GALNT17: variants seen among roughly 807,000 people sequenced by gnomAD.
GALNT17 encodes polypeptide N-acetylgalactosaminyltransferase 17, also known as UDP-GalNAc:polypeptide N-acetylgalactosaminyltransferase-like 3.
In GALNT17, 29 loss-of-function variants were observed where a neutral mutation model predicts 63.7. That is an observed-to-expected ratio of 0.46 (90% CI 0.34 to 0.62). The LOEUF is 0.62. GALNT17 is among the 20% of genes least tolerant of loss of function. The probability of loss-of-function intolerance (pLI) is 0.01; values close to 1 mark genes in which losing one functional copy is unlikely to be tolerated. For missense variants in GALNT17, 603 were observed against 799.6 expected (o/e 0.75, Z 2.97); for synonymous variants, 305 against 318.3 (o/e 0.96, Z 0.45).
At chr7:71,295,488 TTCTC>T in intron 1 of GALNT17, among the ~76,000 whole-genome samples, 1 of 151,964 alleles carries the variant, frequency 6.6e-6, no homozygotes, top group South Asian at 2.1e-4. Context: ...CTTCCATCCT[TTCTC>T]TCTTTCTTTT....
intron 5 of GALNT17, among the ~76,000 whole-genome samples, chr7:71,530,550 ATTT>A: frequency 2.0e-5 from 1 of 49,442 alleles, no homozygotes; most frequent in Non-Finnish European, 4.4e-5. Flanking sequence ...TTATTTATTT[ATTT>A]ATTTATTTAT....
At chr7:71,303,681 T>C (rs1275049206) in intron 1 of GALNT17, among the ~76,000 whole-genome samples, 1 of 152,184 alleles carries the variant, frequency 6.6e-6, no homozygotes, top group East Asian at 1.9e-4. Flanking sequence ...TTCTCTGGTC[T>C]GGGAGAATTA....
chr7:71,355,606 C>T (rs1363589482), intron 2 of GALNT17, among the ~76,000 whole-genome samples: 1 of 151,876 alleles, frequency 6.6e-6, no homozygotes, highest in Non-Finnish European at 1.5e-5. Context: ...GATCTCGGCC[C>T]ACTGCAACCT....
At chr7:71,553,082 T>C (rs1789106758) in intron 5 of GALNT17, among the ~76,000 whole-genome samples, 2 of 152,058 alleles carry the variant, frequency 1.3e-5, no homozygotes, top group South Asian at 2.1e-4. Flanking sequence ...CCTAGCACTT[T>C]GGGAGGCCAA....
intron 1 of GALNT17, among the ~76,000 whole-genome samples, chr7:71,155,758 T>C (rs2116231207): frequency 6.6e-6 from 1 of 152,016 alleles, no homozygotes; most frequent in South Asian, 2.1e-4. Flanking sequence ...GAGTACATCA[T>C]TCTCTGGAGA....
intron 5 of GALNT17, among the ~76,000 whole-genome samples, chr7:71,557,028 A>G (rs1789175087): frequency 6.6e-6 from 1 of 150,690 alleles, no homozygotes; most frequent in Non-Finnish European, 1.5e-5. Flanking sequence ...CTGGGATTAC[A>G]GGTGCACACC....
intron 1 of GALNT17, among the ~76,000 whole-genome samples, chr7:71,185,630 C>T (rs959256250): frequency 6.6e-6 from 1 of 151,310 alleles, no homozygotes; most frequent in Non-Finnish European, 1.5e-5. Context: ...GCCTCAGCCT[C>T]CCGAGTAGCT....
In GALNT17 at chr7:71,656,381, C is replaced by T. The variant is rs548704553; in HGVS notation, c.1081-9030C>T. On this transcript the variant is annotated intron_variant, in intron 6 of 10. Coordinates refer to ENST00000333538, the MANE Select transcript of GALNT17 (RefSeq NM_022479.3). ...ACTAGGCAGATGGGGGAGGAGTGTC[C>T]CGGGCAGGAATGGGGCACAGGGGAG... Among the ~76,000 whole-genome samples the T allele has an allele frequency of 3.9e-5, 6 of 152,006 alleles. No individual in the cohort carries two copies. The South Asian group carries it at 1.2e-3, about 32-fold the overall frequency.
At chr7:71,698,670 T>C (rs1297500628) in intron 9 of GALNT17, among the ~76,000 whole-genome samples, 1 of 151,490 alleles carries the variant, frequency 6.6e-6, no homozygotes, top group Non-Finnish European at 1.5e-5. Context: ...ACGCAACTAA[T>C]CCAAGCAAAG....
At chr7:71,275,369 C>T (rs1026867537) in intron 1 of GALNT17, among the ~76,000 whole-genome samples, 4 of 152,064 alleles carry the variant, frequency 2.6e-5, no homozygotes, top group Non-Finnish European at 1.5e-5. Context: ...AGTTCAAGAC[C>T]AGCCTGGGAA....
chr7:71,279,781 G>A (rs1790747649), intron 1 of GALNT17, among the ~76,000 whole-genome samples: 1 of 150,110 alleles, frequency 6.7e-6, no homozygotes. Context: ...CGAAATGGGG[G>A]GCAAACTAGA....
At chr7:71,391,075 G>A (rs945317038) in intron 3 of GALNT17, among the ~76,000 whole-genome samples, 1 of 152,222 alleles carries the variant, frequency 6.6e-6, no homozygotes, top group Non-Finnish European at 1.5e-5. Context: ...AACTGGGTGG[G>A]ATGTTTCCCA....
At chr7:71,234,471 C>T (rs1239101154) in intron 1 of GALNT17, among the ~76,000 whole-genome samples, 1 of 152,014 alleles carries the variant, frequency 6.6e-6, no homozygotes, top group East Asian at 1.9e-4. Flanking sequence ...ACTGTGTTGC[C>T]CAGGCTGGTC....
intron 5 of GALNT17, among the ~76,000 whole-genome samples, chr7:71,437,747 C>G (rs1786991413): frequency 6.6e-6 from 1 of 152,172 alleles, no homozygotes; most frequent in Admixed American, 6.5e-5. Flanking sequence ...CAGGGTCTCA[C>G]TCTGCCACCC....
At chr7:71,704,331 A>C (rs1477825921) in intron 9 of GALNT17, among the ~76,000 whole-genome samples, 1 of 152,234 alleles carries the variant, frequency 6.6e-6, no homozygotes, top group Non-Finnish European at 1.5e-5. Flanking sequence ...CAAGACATGT[A>C]CACTGAAAAT....
chr7:71,670,905 T>C (rs145057049), intron 8 of GALNT17, among the ~76,000 whole-genome samples: 1,370 of 118,076 alleles, frequency 0.012, 17 homozygotes, highest in African/African-American at 0.035. Context: ...TGTGTGTGCG[T>C]GTGTGTGTGT....
intron 1 of GALNT17, among the ~76,000 whole-genome samples, chr7:71,200,160 A>G (rs1416235835): frequency 1.3e-5 from 2 of 152,166 alleles, no homozygotes; most frequent in Admixed American, 1.3e-4. Context: ...TGATGACAAG[A>G]AGGTTTCCTC....
chr7:71,329,722 C>G (rs183212344), intron 1 of GALNT17, among the ~76,000 whole-genome samples: 2 of 152,028 alleles, frequency 1.3e-5, no homozygotes, highest in Admixed American at 1.3e-4. Flanking sequence ...AGAACTCACT[C>G]TATCACAAGA....
At chr7:71,564,413 A>C (rs1017322251) in intron 5 of GALNT17, among the ~76,000 whole-genome samples, 2 of 150,520 alleles carry the variant, frequency 1.3e-5, no homozygotes, top group Admixed American at 6.7e-5. Flanking sequence ...CAGCCTCCCA[A>C]GTAGCTGGGA....
Sources: gnomAD v4.1 joint callset for allele counts (sites outside exome capture counted in the v4.1 genomes callset) on GRCh38, gnomAD v4.1.1 for gene constraint, MANE v1.5 for transcripts, NCBI Gene and HGNC (gene_info 2026-07-23, HGNC 2026-07-21) for gene names.